SLC44A1: variants seen among roughly 807,000 people sequenced by gnomAD.
SLC44A1 encodes solute carrier family 44 member 1, also known as choline transporter-like protein 1.
In SLC44A1, 26 loss-of-function variants were observed where a neutral mutation model predicts 79.3. The observed-to-expected ratio is 0.33, with a 90% CI of 0.24 to 0.46. SLC44A1 has a LOEUF of 0.46. SLC44A1 is among the 20% of genes least tolerant of loss of function. SLC44A1 has a pLI of 1.00. For synonymous variants in SLC44A1, 263 were observed against 286.2 expected (o/e 0.92, Z 0.82); for missense variants, 688 against 798.1 (o/e 0.86, Z 1.66).
rs377016767 is a variant in SLC44A1, at chr9:105,390,109, C to T, written c.*1053C>T. 4.2e-5 allele frequency: 53 copies of T among 1,250,614 alleles called. No individual in the cohort carries two copies. The highest frequency in any genetic ancestry group is 4.0e-4 in the African/African-American group (26 of 64,714). The allele number at this position is 1,250,614 out of a possible 1,614,324, so 77.5% of individuals were successfully genotyped here. The stretch of plus-strand genomic sequence containing the variant: ...AATTCATTGAGTATCCAGAGTTCTA[C>T]GATGTTTAACTGAAGAATTGGCTAA... On this transcript the variant is annotated 3_prime_UTR_variant, in exon 16 of 16. Coordinates refer to ENST00000374720, the MANE Select transcript of SLC44A1 (RefSeq NM_080546.5).
At chr9:105,282,800 C>T (rs1356107802) in intron 1 of SLC44A1, among the ~76,000 whole-genome samples, 1 of 152,172 alleles carries the variant, frequency 6.6e-6, no homozygotes, top group East Asian at 1.9e-4. Context: ...CCCCCCTTGG[C>T]CTCCCAAAGT....
At chr9:105,247,738 A>G (rs558523818) in intron 1 of SLC44A1, among the ~76,000 whole-genome samples, 1 of 152,192 alleles carries the variant, frequency 6.6e-6, no homozygotes, top group Non-Finnish European at 1.5e-5. Context: ...TGTACTTAAT[A>G]GTTGCTCAGC....
rs1428522488 is a variant in SLC44A1 at position 105,394,476 on chromosome 9, TG to T, written c.*5425del. On this transcript the variant is annotated 3_prime_UTR_variant, in exon 16 of 16. Transcript: ENST00000374720. Reference sequence around the variant, plus strand: ...GTGTGTGTGTGTCCTGGCGGTTATTTGGGGGCAAGGTACCAGATTATTTGCA... The same window carrying T: ...GTGTGTGTGTGTCCTGGCGGTTATTTGGGGCAAGGTACCAGATTATTTGCA... 1 of 980,756 alleles carries T rather than the reference TG, an allele frequency of 1.0e-6. No homozygotes were observed. The highest frequency in any genetic ancestry group is 1.8e-5 in the African/African-American group (1 of 55,862). 60.8% of individuals were successfully genotyped at this position (980,756 alleles called of 1,614,324 possible). A position where few individuals can be genotyped will look rare whatever the true frequency, so the allele number is the denominator to read the frequency against.
intron 13 of SLC44A1, 127 bp downstream of exon 13, chr9:105,374,862 C>G: frequency 1.5e-6 from 1 of 668,096 alleles, no homozygotes; most frequent in Non-Finnish European, 2.6e-6. Flanking sequence ...TTAGAAAGCC[C>G]TTACTGTGTG....
chr9:105,329,174 C>T (rs1398157546), intron 3 of SLC44A1, among the ~76,000 whole-genome samples: 2 of 152,132 alleles, frequency 1.3e-5, no homozygotes, highest in Admixed American at 6.5e-5. Flanking sequence ...TCACTCACGG[C>T]AACACTCTCT....
At chr9:105,387,756 T>A (rs1828669199) in intron 15 of SLC44A1, among the ~76,000 whole-genome samples, 1 of 152,110 alleles carries the variant, frequency 6.6e-6, no homozygotes, top group Non-Finnish European at 1.5e-5. Flanking sequence ...TGGCACAGAT[T>A]TCTATAGTAT....
At chr9:105,340,369 G>C (rs1827049872) in intron 4 of SLC44A1, among the ~76,000 whole-genome samples, 1 of 152,196 alleles carries the variant, frequency 6.6e-6, no homozygotes, top group African/African-American at 2.4e-5. Flanking sequence ...TAGTTGCCAG[G>C]GTGGCAGGGA....
chr9:105,408,434 G>T (rs980205882), intron 15 of SLC44A1, among the ~76,000 whole-genome samples: 1 of 144,478 alleles, frequency 6.9e-6, no homozygotes, highest in East Asian at 1.9e-4. Flanking sequence ...TATTTGAGAC[G>T]GAGTCTTGCT....
chr9:105,376,964 A>T (rs914657498), intron 13 of SLC44A1, among the ~76,000 whole-genome samples: 8 of 152,214 alleles, frequency 5.3e-5, no homozygotes, highest in Non-Finnish European at 1.2e-4. Flanking sequence ...CTAAGTTATT[A>T]ATCACTGTGT....
Position 105,358,363 on chromosome 9 carries a change from G to T in SLC44A1, c.690G>T (p.Met230Ile). The T allele has an allele frequency of 6.3e-7, 1 of 1,575,166 alleles. No individual in the cohort carries two copies. Among genetic ancestry groups the T allele is most frequent in the South Asian group, 1.1e-5 (1 of 89,886 alleles). The change falls in exon 7 of 16, where the codon ATG (methionine) becomes ATT (isoleucine). Residue 230 changes from methionine (M) to isoleucine (I), a missense_variant. Physicochemically the swap from Met to Ile is conservative, Grantham distance 10. Coordinates refer to ENST00000374720, the MANE Select transcript of SLC44A1 (RefSeq NM_080546.5). Reference sequence around the variant, plus strand: ...CTGCAGTTCTATCCATGATTTTGATGGTGATAATCAGGTATATATCAAGAG... The same window carrying T: ...CTGCAGTTCTATCCATGATTTTGATTGTGATAATCAGGTATATATCAAGAG... Reference protein sequence around the residue: ...LLSLVLSMILMVIIRYISRVL... With the variant: ...LLSLVLSMILIVIIRYISRVL...
chr9:105,272,998 T>C (rs1481783955), intron 1 of SLC44A1, among the ~76,000 whole-genome samples: 1 of 151,828 alleles, frequency 6.6e-6, no homozygotes, highest in African/African-American at 2.4e-5. Flanking sequence ...TATAATTTTT[T>C]TTTTCTTCCT....
chr9:105,249,814 C>A (rs1456953401), intron 1 of SLC44A1, among the ~76,000 whole-genome samples: 1 of 151,400 alleles, frequency 6.6e-6, no homozygotes, highest in Non-Finnish European at 1.5e-5. Context: ...GGATTACAGG[C>A]ATGAGCCTCC....
Position 105,293,825 on chromosome 9 carries a change from T to C in SLC44A1, c.37-5395T>C, listed in dbSNP as rs566775135. Reference sequence around the variant, plus strand: ...TTTGTTTACTAAAAAAAATACACCCTTACTATAGCATATCAAATTCACCAG... The same window carrying C: ...TTTGTTTACTAAAAAAAATACACCCCTACTATAGCATATCAAATTCACCAG... On this transcript the variant is annotated intron_variant, in intron 1 of 15. Transcript: ENST00000374720. 3.9e-5 allele frequency among the ~76,000 whole-genome samples: 6 copies of C among 152,334 alleles called. No homozygotes were observed. In the East Asian group the frequency reaches 1.2e-3, roughly 29 times the overall value.
intron 1 of SLC44A1, among the ~76,000 whole-genome samples, chr9:105,255,049 A>C (rs1018282867): frequency 1.3e-5 from 2 of 151,796 alleles, no homozygotes; most frequent in Non-Finnish European, 2.9e-5. Context: ...GAGGGAAAAA[A>C]AGAGAGCCTC....
At chr9:105,355,950 C>A in intron 5 of SLC44A1, 2 of 424,808 alleles carry the variant, frequency 4.7e-6, no homozygotes, top group Non-Finnish European at 4.2e-6. Flanking sequence ...TGTGTGTGTG[C>A]GTTTCTTTTC....
intron 3 of SLC44A1, among the ~76,000 whole-genome samples, 182 bp from the exon 4 acceptor site, chr9:105,335,381 C>G (rs1183778006): frequency 6.6e-6 from 1 of 152,144 alleles, no homozygotes; most frequent in Non-Finnish European, 1.5e-5. Context: ...ATAAGTCCTA[C>G]AATTCCCCTA....
chr9:105,384,208 C>T (rs535844043), intron 14 of SLC44A1, among the ~76,000 whole-genome samples: 69 of 150,140 alleles, frequency 4.6e-4, no homozygotes, highest in Non-Finnish European at 9.0e-4. Flanking sequence ...CTTTTTGAGA[C>T]GGAGTCTTGC....
At position 105,393,038 on chromosome 9, in the gene SLC44A1, C is replaced by A. The variant is rs933269354; in HGVS notation, c.*3982C>A. On this transcript the variant is annotated 3_prime_UTR_variant, in exon 16 of 16. Transcript: ENST00000374720. Reference sequence around the variant, plus strand: ...ACCTGCCACAGTTAATTTCTGTATTCTTTTCATACATTCCATCTGACACAT... The same window carrying A: ...ACCTGCCACAGTTAATTTCTGTATTATTTTCATACATTCCATCTGACACAT... 5.1e-6 allele frequency: 5 copies of A among 985,050 alleles called. No individual in the cohort carries two copies. In the African/African-American group the frequency reaches 8.7e-5, roughly 17 times the overall value. 61.0% of individuals were successfully genotyped at this position (985,050 alleles called of 1,614,324 possible). A position where few individuals can be genotyped will look rare whatever the true frequency, so the allele number is the denominator to read the frequency against.
At chr9:105,320,384 T>A (rs1239378300) in intron 3 of SLC44A1, among the ~76,000 whole-genome samples, 1 of 151,472 alleles carries the variant, frequency 6.6e-6, no homozygotes, top group Non-Finnish European at 1.5e-5. Flanking sequence ...CTTGAAGAGT[T>A]AGATATATAG....
Sources: gnomAD v4.1 joint callset for allele counts (sites outside exome capture counted in the v4.1 genomes callset) on GRCh38, gnomAD v4.1.1 for gene constraint, MANE v1.5 for transcripts, NCBI Gene and HGNC (gene_info 2026-07-23, HGNC 2026-07-21) for gene names.